ECD: variants seen among roughly 807,000 people sequenced by gnomAD.
ECD encodes protein ecdysoneless homolog.
In ECD, 59 loss-of-function variants were observed where a neutral mutation model predicts 77.2. The ratio of observed to expected loss-of-function variants is 0.76; its 90% CI spans 0.62 to 0.95. ECD has a LOEUF of 0.95. ECD is among the 40% of genes least tolerant of loss of function. The probability of loss-of-function intolerance (pLI) is 0.00; values close to 1 mark genes in which losing one functional copy is unlikely to be tolerated. For synonymous variants in ECD, 233 were observed against 267.4 expected (o/e 0.87, Z 1.26); for missense variants, 704 against 763.4 (o/e 0.92, Z 0.92).
Position 73,152,389 on chromosome 10 carries a change from C to G in ECD, c.816G>C (p.Leu272Phe). ...GGTCTGGCACAAACCTTTGTTGCAC[C>G]AATTGTGCATATAGACATTTAGTGA... ...VTFTKCLYAQLVQQRFVPDRR... is the reference protein window; with the variant it reads ...VTFTKCLYAQFVQQRFVPDRR... Residue 272 changes from leucine (L) to phenylalanine (F), a missense_variant, in exon 7 of 14, where the codon TTG (leucine) becomes TTC (phenylalanine). Leu to Phe is a conservative substitution (Grantham distance 22). This residue lies in a region of ECD where 559 missense variants were observed against 583.7 expected (regional missense o/e 0.96). Transcript: ENST00000372979. 6.2e-7 allele frequency: 1 copy of G among 1,613,676 alleles called. No individual in the cohort carries two copies. Among genetic ancestry groups the G allele is most frequent in the Non-Finnish European group, 8.5e-7 (1 of 1,179,738 alleles).
chr10:73,163,010 G>A (rs751057819), intron 2 of ECD, among the ~76,000 whole-genome samples: 55 of 152,298 alleles, frequency 3.6e-4, no homozygotes, highest in Admixed American at 2.5e-3. Context: ...AATATGGGAG[G>A]TGGGGTGGAT....
rs564381004 is a variant in ECD at position 73,137,950 on chromosome 10, A to C, written c.1489+53T>G. On this transcript the variant is annotated intron_variant, in intron 12 of 13. Coordinates refer to ENST00000372979, the MANE Select transcript of ECD (RefSeq NM_007265.3). Reference sequence around the variant, plus strand: ...TCTCATAAACCAATGCTCTAGCAACAGCCATACTACTAACAGTTTCAAAAT... The same window carrying C: ...TCTCATAAACCAATGCTCTAGCAACCGCCATACTACTAACAGTTTCAAAAT... 3.6e-6 allele frequency: 5 copies of C among 1,370,818 alleles called. No individual in the cohort carries two copies. In the South Asian group the frequency reaches 7.3e-5, roughly 20 times the overall value. The allele number at this position is 1,370,818 out of a possible 1,614,324, so 84.9% of individuals were successfully genotyped here.
chr10:73,135,742 TAATAA>T (rs1842968114), intron 13 of ECD, among the ~76,000 whole-genome samples: 2 of 150,788 alleles, frequency 1.3e-5, no homozygotes, highest in Non-Finnish European at 3.0e-5. Flanking sequence ...ATAATAATAA[TAATAA>T]AATAAAACAA....
At chr10:73,156,507 A>T in intron 4 of ECD, 54 bp from the exon 5 acceptor site, 1 of 1,610,640 alleles carries the variant, frequency 6.2e-7, no homozygotes, top group Non-Finnish European at 8.5e-7. Flanking sequence ...CTGCAGGTAC[A>T]TATGAATGTA....
At chr10:73,164,234 C>T (rs751165353) in intron 1 of ECD, among the ~76,000 whole-genome samples, 41 of 151,384 alleles carry the variant, frequency 2.7e-4, no homozygotes, top group Non-Finnish European at 5.3e-4. Flanking sequence ...CACCTGTGAT[C>T]CTAGCTACTT....
chr10:73,156,049 T>C (rs1843291335), intron 5 of ECD, among the ~76,000 whole-genome samples: 2 of 152,238 alleles, frequency 1.3e-5, no homozygotes, highest in Non-Finnish European at 2.9e-5. Flanking sequence ...TGTATCTGTT[T>C]CCTGATTTTA....
chr10:73,135,061 T>C (rs1389116848), intron 13 of ECD, among the ~76,000 whole-genome samples: 1 of 152,176 alleles, frequency 6.6e-6, no homozygotes, highest in Non-Finnish European at 1.5e-5. Flanking sequence ...ATCGAATAAA[T>C]TGCATGTCTA....
At chr10:73,160,671 G>A in intron 2 of ECD, 120 bp from the exon 3 acceptor site, 1 of 671,398 alleles carries the variant, frequency 1.5e-6, no homozygotes, top group Non-Finnish European at 2.4e-6. Context: ...CTGGGGAGCA[G>A]GGGTTGCAAT....
At chr10:73,157,824 G>C (rs1468246138) in intron 3 of ECD, among the ~76,000 whole-genome samples, 1 of 151,776 alleles carries the variant, frequency 6.6e-6, no homozygotes. Context: ...TATCCTTCTA[G>C]AGTTTGCTTA....
At chr10:73,144,591 A>C (rs1673587006) in intron 9 of ECD, among the ~76,000 whole-genome samples, 2 of 152,212 alleles carry the variant, frequency 1.3e-5, no homozygotes, top group Non-Finnish European at 2.9e-5. Context: ...TACAAAAATT[A>C]GTTAAATAGA....
In ECD at chr10:73,156,579, T is replaced by C. The variant is rs866299721; in HGVS notation, c.400A>G (p.Ser134Gly). The stretch of plus-strand genomic sequence containing the variant: ...TTGGGTATACTTACCCTATTGGTGC[T>C]ATTTTCAGGATCCAGCCATTTAGGG... ...FLPKWLDPENSTNRVFFCHGE... is the reference protein window; with the variant it reads ...FLPKWLDPENGTNRVFFCHGE... The change falls in exon 4 of 14, where the codon AGC (serine) becomes GGC (glycine). Residue 134 changes from serine (S) to glycine (G), a missense_variant. Ser to Gly is a moderately conservative substitution (Grantham distance 56). Around this residue, in one of 3 missense-constraint regions of ECD, gnomAD observed 559 missense variants for 583.7 expected, o/e 0.96. Transcript: ENST00000372979. 6.2e-7 allele frequency: 1 copy of C among 1,614,222 alleles called. No homozygotes were observed. The highest frequency in any genetic ancestry group is 1.1e-5 in the South Asian group (1 of 91,080).
chr10:73,157,351 G>C (rs528590897), intron 3 of ECD, among the ~76,000 whole-genome samples: 1 of 151,292 alleles, frequency 6.6e-6, no homozygotes, highest in African/African-American at 2.4e-5. Flanking sequence ...CGCCCGGCCC[G>C]TATCACTTTT....
rs1187226341 is a variant in ECD, at chr10:73,163,963, T to C, written c.-13-13A>G. The C allele has an allele frequency of 3.5e-5, 57 of 1,608,304 alleles. No homozygotes were observed. Among genetic ancestry groups the C allele is most frequent in the Non-Finnish European group, 4.8e-5 (57 of 1,175,416 alleles). ...TCTTCTTTGAAAACTATGTTTAAAG[T>C]TCCAAAATATAAACCACATAGAACA... On this transcript the variant is annotated splice_polypyrimidine_tract_variant and intron_variant, in intron 1 of 13. Transcript: ENST00000372979.
chr10:73,156,561 T>C lies in ECD; in HGVS notation c.411+7A>G, dbSNP rs1405660898. ...TCTATAAATTTTCTAAACTTGGGTATACTTACCCTATTGGTGCTATTTTCA... is the reference window on the plus strand; with the variant it reads ...TCTATAAATTTTCTAAACTTGGGTACACTTACCCTATTGGTGCTATTTTCA... On this transcript the variant is annotated splice_region_variant and intron_variant, in intron 4 of 13. Coordinates refer to ENST00000372979, the MANE Select transcript of ECD (RefSeq NM_007265.3). 1 of 1,614,102 alleles carries C rather than the reference T, an allele frequency of 6.2e-7. No homozygotes were observed.
intron 11 of ECD, 56 bp downstream of exon 11, chr10:73,139,253 T>C (rs1843017883): frequency 6.7e-7 from 1 of 1,493,868 alleles, no homozygotes; most frequent in Non-Finnish European, 8.9e-7. Context: ...GCAATGACTA[T>C]GACTTCAACA....
chr10:73,158,862 AC>A (rs1309587903), intron 3 of ECD, among the ~76,000 whole-genome samples: 12 of 152,266 alleles, frequency 7.9e-5, no homozygotes, highest in African/African-American at 2.6e-4. Flanking sequence ...AAATAGTAAG[AC>A]CCCGTCTTTA....
intron 3 of ECD, among the ~76,000 whole-genome samples, chr10:73,157,034 C>T (rs1365173894): frequency 1.3e-5 from 2 of 151,860 alleles, no homozygotes; most frequent in African/African-American, 4.8e-5. Flanking sequence ...ATTATTTCTG[C>T]CTCATTTGCA....
intron 3 of ECD, among the ~76,000 whole-genome samples, chr10:73,157,193 G>A (rs904921905): frequency 6.6e-6 from 1 of 151,478 alleles, no homozygotes; most frequent in Admixed American, 6.6e-5. Context: ...GGGATTACAA[G>A]TGCCCGCCAT....
chr10:73,137,345 A>G lies in ECD; in HGVS notation c.1490-427T>C, dbSNP rs1380149673. 2.6e-5 allele frequency among the ~76,000 whole-genome samples: 4 copies of G among 152,236 alleles called. No homozygotes were observed. The East Asian group carries it at 5.8e-4, about 22-fold the overall frequency. ...AATCTTTCTCTCTGCAGTTCTGTAC[A>G]TATATACATATTATAATTATTTTTT... is the stretch of plus-strand genomic sequence containing the variant. On this transcript the variant is annotated intron_variant, in intron 12 of 13. Transcript: ENST00000372979.
Sources: allele counts gnomAD v4.1 joint callset (sites outside exome capture counted in the v4.1 genomes callset), GRCh38; gene constraint gnomAD v4.1.1; regional missense constraint gnomAD v4.1.1; transcripts MANE v1.5; gene names NCBI Gene and HGNC (gene_info 2026-07-23, HGNC 2026-07-21).